PTPN3: variants seen among roughly 807,000 people sequenced by gnomAD.
PTPN3 encodes the protein protein tyrosine phosphatase non-receptor type 3.
PTPN3 carries 96 observed loss-of-function variants against 132.7 expected under a neutral mutation model. That is an observed-to-expected ratio of 0.72 (90% CI 0.61 to 0.86). The LOEUF (loss-of-function observed/expected upper bound fraction) is 0.86, where lower values mean the gene tolerates loss of function less well. Among genes scored for constraint, PTPN3 ranks in the 40% least tolerant of loss-of-function variants. The probability of loss-of-function intolerance (pLI) is 0.00; values close to 1 mark genes in which losing one functional copy is unlikely to be tolerated. For missense variants in PTPN3, 1,125 were observed against 1,159.6 expected (o/e 0.97, Z 0.43); for synonymous variants, 398 against 429.0 (o/e 0.93, Z 0.89).
the PTPN3 span, chr9:109,532,864 G>GATT: frequency 1.1e-6 from 1 of 930,838 alleles, no homozygotes; most frequent in Non-Finnish European, 1.4e-6. Flanking sequence ...CTCGGGAGCG[G>GATT]ACTAATTCTC....
chr9:109,433,153 G>A lies in PTPN3; in HGVS notation c.684C>T (p.His228=). 1.2e-6 allele frequency: 2 copies of A among 1,614,000 alleles called. No homozygotes were observed. The highest frequency in any genetic ancestry group is 8.5e-7 in the Non-Finnish European group (1 of 1,179,970). The change falls in exon 10 of 26, where the codon CAC becomes CAT. Residue 228 remains histidine (H), a synonymous_variant. Coordinates refer to ENST00000374541, the MANE Select transcript of PTPN3 (RefSeq NM_002829.4). ...CAATTCCAATCATTAGGTCTAAATT[G>A]TGCAGATCCTGTAAAAAGGAAGATC... ...GVELHSGRDL[H]NLDLMIGIAS... is the part of the protein sequence containing the mutation.
At chr9:109,392,422 T>C (rs989094547) in intron 19 of PTPN3, among the ~76,000 whole-genome samples, 1 of 152,032 alleles carries the variant, frequency 6.6e-6, no homozygotes, top group Non-Finnish European at 1.5e-5. Flanking sequence ...CAGACTAATA[T>C]AAAGAAAAAA....
At chr9:109,411,822 T>G (rs543393158) in intron 14 of PTPN3, among the ~76,000 whole-genome samples, 1 of 152,268 alleles carries the variant, frequency 6.6e-6, no homozygotes, top group African/African-American at 2.4e-5. Context: ...GAATAAAATA[T>G]TCAGTGACAG....
intron 22 of PTPN3, among the ~76,000 whole-genome samples, chr9:109,385,751 C>T (rs1283774345): frequency 6.6e-6 from 1 of 152,232 alleles, no homozygotes; most frequent in Non-Finnish European, 1.5e-5. Context: ...ACGAAGATCA[C>T]TGAAGCTAGG....
In PTPN3 at chr9:109,448,867, T is replaced by C. The variant is rs749789050; in HGVS notation, c.369-12A>G. 26 of 1,586,512 alleles carry C rather than the reference T, an allele frequency of 1.6e-5. No homozygotes were observed. Among genetic ancestry groups the C allele is most frequent in the Admixed American group, 7.9e-5 (4 of 50,766 alleles). ...AGAAATACAAGTGCCTATGAAACAA[T>C]TGTTTTCATTAATTCATACTCAAAC... On this transcript the variant is annotated splice_polypyrimidine_tract_variant and intron_variant, in intron 5 of 25. Coordinates refer to ENST00000374541, the MANE Select transcript of PTPN3 (RefSeq NM_002829.4).
At chr9:109,446,920 T>C (rs1246426476) in intron 6 of PTPN3, among the ~76,000 whole-genome samples, 1 of 151,016 alleles carries the variant, frequency 6.6e-6, no homozygotes, top group Non-Finnish European at 1.5e-5. Context: ...ACACCTTGAG[T>C]GCCGGCTACC....
At chr9:109,533,634 C>T in the PTPN3 span, 1 of 1,502,300 alleles carries the variant, frequency 6.7e-7, no homozygotes, top group Non-Finnish European at 9.2e-7. Context: ...CTCTGCCACA[C>T]TGATCTACCT....
intron 9 of PTPN3, among the ~76,000 whole-genome samples, chr9:109,435,651 A>G (rs1011708414): frequency 1.3e-5 from 2 of 152,210 alleles, no homozygotes; most frequent in Admixed American, 1.3e-4. Flanking sequence ...TGCCACGCAG[A>G]TATCATCTGG....
chr9:109,425,227 A>C (rs1843159685), intron 12 of PTPN3, among the ~76,000 whole-genome samples: 1 of 152,222 alleles, frequency 6.6e-6, no homozygotes, highest in African/African-American at 2.4e-5. Flanking sequence ...CACTGATACT[A>C]ACAGAAATTA....
In PTPN3 at chr9:109,408,396, AAAAAC is replaced by A; in HGVS notation, c.1579-24_1579-20del. 1.3e-6 allele frequency: 2 copies of A among 1,566,960 alleles called. No homozygotes were observed. The highest frequency in any genetic ancestry group is 1.7e-6 in the Non-Finnish European group (2 of 1,156,544). Reference sequence around the variant, plus strand: ...CTCCTCCCTGTAAACATTTTAAAATAAAAACAAAACAAAGTTTTTTAAGTTAAACA... The same window carrying A: ...CTCCTCCCTGTAAACATTTTAAAATAAAAACAAAGTTTTTTAAGTTAAACA... On this transcript the variant is annotated intron_variant, in intron 16 of 25. Transcript: ENST00000374541.
At chr9:109,394,858 G>A (rs1840434447) in intron 19 of PTPN3, among the ~76,000 whole-genome samples, 1 of 152,176 alleles carries the variant, frequency 6.6e-6, no homozygotes, top group African/African-American at 2.4e-5. Context: ...GGAAGAAACT[G>A]GCCGGGTGTG....
At chr9:109,526,545 C>T in the PTPN3 span, among the ~76,000 whole-genome samples, 1 of 152,014 alleles carries the variant, frequency 6.6e-6, no homozygotes, top group Admixed American at 6.6e-5. Flanking sequence ...CATAGTGGCA[C>T]ACACCTGTGG....
chr9:109,517,945 A>G, the PTPN3 span, among the ~76,000 whole-genome samples: 1 of 152,192 alleles, frequency 6.6e-6, no homozygotes, highest in Admixed American at 6.5e-5. Flanking sequence ...TTTGGCAATG[A>G]CTGCATCCAT....
At chr9:109,415,031 T>TGTCCGTCCGTCCGTCCGTCC (rs963226577) in intron 14 of PTPN3, among the ~76,000 whole-genome samples, 2 of 62,250 alleles carry the variant, frequency 3.2e-5, no homozygotes, top group East Asian at 8.2e-4. Context: ...TTTGTCCGTC[T>TGTCCGTCCGTCCGTCCGTCC]GTCCGTCCGT....
intron 13 of PTPN3, 56 bp from the exon 14 acceptor site, chr9:109,420,656 T>G: frequency 6.5e-7 from 1 of 1,528,746 alleles, no homozygotes; most frequent in Non-Finnish European, 8.9e-7. Flanking sequence ...ACTTAAAAAT[T>G]TTATTAGACA....
At chr9:109,433,232 A>G in intron 9 of PTPN3, 71 bp from the exon 10 acceptor site, 1 of 1,586,528 alleles carries the variant, frequency 6.3e-7, no homozygotes, top group Non-Finnish European at 8.6e-7. Context: ...ACTTTAAAGC[A>G]CCCACGCTGT....
intron 15 of PTPN3, 38 bp from the exon 16 acceptor site, chr9:109,410,114 C>G: frequency 1.2e-6 from 2 of 1,614,154 alleles, no homozygotes; most frequent in Non-Finnish European, 1.7e-6. Context: ...TGCATCACAT[C>G]TCTCTCCAGC....
In PTPN3 at chr9:109,389,265, C is replaced by G. The variant is rs758348142; in HGVS notation, c.2221G>C (p.Val741Leu). 2 of 1,614,188 alleles carry G rather than the reference C, an allele frequency of 1.2e-6. No homozygotes were observed. The highest frequency in any genetic ancestry group is 8.5e-7 in the Non-Finnish European group (1 of 1,180,034). The change falls in exon 22 of 26, where the codon GTC (valine) becomes CTC (leucine). Residue 741 changes from valine to leucine, a missense_variant. Val to Leu is a conservative substitution (Grantham distance 32). Coordinates refer to ENST00000374541, the MANE Select transcript of PTPN3 (RefSeq NM_002829.4). ...VVWDQKLSLIVMLTTLTERGR... is the reference protein window; with the variant it reads ...VVWDQKLSLILMLTTLTERGR... The stretch of plus-strand genomic sequence containing the variant: ...CGTTCTGTGAGAGTCGTCAACATGA[C>G]AATGAGTGACAACTTCTGATCCCAG...
chr9:109,449,724 G>A, intron 5 of PTPN3: 1 of 985,470 alleles, frequency 1.0e-6, no homozygotes, highest in Non-Finnish European at 1.2e-6. Flanking sequence ...GTCTGGCCAA[G>A]ATGACAAAAG....
Sources: allele counts gnomAD v4.1 joint callset (sites outside exome capture counted in the v4.1 genomes callset), GRCh38; gene constraint gnomAD v4.1.1; transcripts MANE v1.5; gene names NCBI Gene and HGNC (gene_info 2026-07-23, HGNC 2026-07-21).